Variants in SCGN observed in about 807,000 individuals in gnomAD.
SCGN encodes secretagogin.
In SCGN, 30 loss-of-function variants were observed where a neutral mutation model predicts 39.7. The observed-to-expected ratio is 0.76, with a 90% CI of 0.57 to 1.03. The LOEUF (loss-of-function observed/expected upper bound fraction) is 1.03. SCGN is among the 50% of genes least tolerant of loss of function. The pLI is 0.00. For synonymous variants in SCGN, 106 were observed against 114.1 expected, an observed-to-expected ratio of 0.93 and a Z score of 0.45; for missense variants, 353 against 349.4, an observed-to-expected ratio of 1.01 and a Z score of -0.08.
chr6:25,697,084 A>T (rs771879509), intron 10 of SCGN, among the ~76,000 whole-genome samples: 1 of 152,178 alleles, frequency 6.6e-6, no homozygotes. Context: ...TCTCTAGGAG[A>T]CTTCCCAGTA....
intron 7 of SCGN, among the ~76,000 whole-genome samples, chr6:25,686,351 TA>T (rs1759704745): frequency 6.6e-6 from 1 of 152,346 alleles, no homozygotes; most frequent in African/African-American, 2.4e-5. Context: ...ATCAGGATTT[TA>T]ATTTCTCCAT....
intron 3 of SCGN, 101 bp from the exon 4 acceptor site, chr6:25,664,842 C>A: frequency 1.3e-6 from 1 of 780,318 alleles, no homozygotes; most frequent in Non-Finnish European, 2.1e-6. Flanking sequence ...GATCTGAGCC[C>A]TTCTGCCCTG....
intron 7 of SCGN, among the ~76,000 whole-genome samples, chr6:25,686,923 C>T (rs1025696006): frequency 1.3e-5 from 2 of 152,096 alleles, no homozygotes; most frequent in Non-Finnish European, 2.9e-5. Flanking sequence ...TAGATATCTA[C>T]TTGTCCCAAC....
chr6:25,671,519 G>T (rs575075837), intron 6 of SCGN, among the ~76,000 whole-genome samples: 9 of 152,324 alleles, frequency 5.9e-5, no homozygotes, highest in African/African-American at 1.2e-4. Flanking sequence ...GCCAAGGAGA[G>T]AATCAAATCT....
chr6:25,656,391 T>A (rs991260963), intron 2 of SCGN, among the ~76,000 whole-genome samples: 19 of 152,210 alleles, frequency 1.2e-4, no homozygotes, highest in African/African-American at 4.3e-4. Flanking sequence ...GCAAGCTGCC[T>A]GCTAGTCTAT....
chr6:25,683,554 C>T (rs1170555840), intron 7 of SCGN, among the ~76,000 whole-genome samples: 1 of 152,188 alleles, frequency 6.6e-6, no homozygotes, highest in African/African-American at 2.4e-5. Context: ...AAATAACTAA[C>T]ATCATGCACA....
At chr6:25,660,861 A>G (rs1760322881) in intron 2 of SCGN, among the ~76,000 whole-genome samples, 1 of 152,254 alleles carries the variant, frequency 6.6e-6, no homozygotes, top group Non-Finnish European at 1.5e-5. Context: ...CAGCAAGTCT[A>G]GAATCTTACA....
chr6:25,668,217 G>GAA (rs57628790), intron 4 of SCGN, among the ~76,000 whole-genome samples: 1 of 146,720 alleles, frequency 6.8e-6, no homozygotes. Context: ...ATCTGTCAGT[G>GAA]AAAAAAAAAA....
chr6:25,659,156 C>G (rs139572013), intron 2 of SCGN, among the ~76,000 whole-genome samples: 131 of 152,274 alleles, frequency 8.6e-4, no homozygotes, highest in Non-Finnish European at 1.4e-3. Flanking sequence ...TTTTTGCTGA[C>G]CAAAGTGTTC....
chr6:25,669,850 G>A (rs1759468521), intron 5 of SCGN, 149 bp from the exon 6 acceptor site: 1 of 737,576 alleles, frequency 1.4e-6, no homozygotes, highest in Non-Finnish European at 2.4e-6. Context: ...AACAGTGACA[G>A]CCCTCCATTC....
intron 2 of SCGN, among the ~76,000 whole-genome samples, chr6:25,660,252 T>A (rs1204458462): frequency 6.6e-6 from 1 of 152,196 alleles, no homozygotes; most frequent in Non-Finnish European, 1.5e-5. Flanking sequence ...GTGGCAGCTG[T>A]TAATTCCCCA....
chr6:25,681,124 T>C (rs772500968), intron 6 of SCGN, among the ~76,000 whole-genome samples: 4 of 152,246 alleles, frequency 2.6e-5, no homozygotes, highest in Admixed American at 6.5e-5. Flanking sequence ...TTCTAATTTG[T>C]GGTTAGTGCA....
chr6:25,688,292 G>C (rs917801322), intron 7 of SCGN, among the ~76,000 whole-genome samples: 2 of 151,982 alleles, frequency 1.3e-5, no homozygotes, highest in East Asian at 3.9e-4. Context: ...TTGTTTATTT[G>C]GTGACTTTTC....
intron 2 of SCGN, among the ~76,000 whole-genome samples, chr6:25,655,088 A>G (rs1458065024): frequency 6.6e-6 from 1 of 152,246 alleles, no homozygotes. Flanking sequence ...TGTAAGGTTC[A>G]TCGTGTTCCA....
chr6:25,669,451 C>T, intron 4 of SCGN, 60 bp from the exon 5 acceptor site: 2 of 1,367,470 alleles, frequency 1.5e-6, no homozygotes, highest in Non-Finnish European at 1.0e-6. Flanking sequence ...GTAGTAGATA[C>T]CACATAATTA....
chr6:25,658,979 A>G (rs1760284333), intron 2 of SCGN, among the ~76,000 whole-genome samples: 2 of 152,192 alleles, frequency 1.3e-5, no homozygotes. Flanking sequence ...AGGATCCAAT[A>G]GCTTAAATCC....
At chr6:25,691,488 G>A (rs903453259) in intron 10 of SCGN, among the ~76,000 whole-genome samples, 3 of 151,978 alleles carry the variant, frequency 2.0e-5, no homozygotes, top group Admixed American at 6.6e-5. Flanking sequence ...TGAATTTCAC[G>A]TAATAAAACT....
rs770247393 is a variant in SCGN at position 25,681,934 on chromosome 6, T to C, written c.472-17T>C. On this transcript the variant is annotated splice_polypyrimidine_tract_variant and intron_variant, in intron 6 of 10. Transcript: ENST00000377961. ...GTTCCTGTTACAAGTACAACCATTTTCCCTTCTGCATTTCAGATGAAGATT... is the reference window on the plus strand; with the variant it reads ...GTTCCTGTTACAAGTACAACCATTTCCCCTTCTGCATTTCAGATGAAGATT... 2 of 1,607,620 alleles carry C rather than the reference T, an allele frequency of 1.2e-6. No homozygotes were observed. The highest frequency in any genetic ancestry group is 2.2e-5 in the South Asian group (2 of 90,956).
chr6:25,682,482 G>A (rs550097693), intron 7 of SCGN, among the ~76,000 whole-genome samples: 8 of 152,314 alleles, frequency 5.3e-5, no homozygotes, highest in African/African-American at 1.4e-4. Context: ...CAGGATAAAA[G>A]CAGAAGTGGC....
Sources: gnomAD v4.1 joint callset for allele counts (sites outside exome capture counted in the v4.1 genomes callset) on GRCh38, gnomAD v4.1.1 for gene constraint, MANE v1.5 for transcripts, NCBI Gene and HGNC (gene_info 2026-07-23, HGNC 2026-07-21) for gene names.